DENND4C: variants seen among roughly 807,000 people sequenced by gnomAD.
DENND4C encodes the protein DENN domain-containing protein 4C.
A neutral mutation model predicts 203.0 loss-of-function variants in DENND4C; 108 were observed. The ratio of observed to expected loss-of-function variants is 0.53; its 90% CI spans 0.46 to 0.62. The LOEUF is 0.62. DENND4C is among the 20% of genes least tolerant of loss of function. The probability of loss-of-function intolerance (pLI) is 0.00; values close to 1 mark genes in which losing one functional copy is unlikely to be tolerated. For synonymous variants in DENND4C, 871 were observed against 792.4 expected, an observed-to-expected ratio of 1.10 and a Z score of -1.67; for missense variants, 2,481 against 2,301.2, an observed-to-expected ratio of 1.08 and a Z score of -1.60.
intron 24 of DENND4C, 117 bp downstream of exon 24, chr9:19,350,996 C>T (rs1040807545): frequency 2.8e-5 from 29 of 1,030,702 alleles, no homozygotes; most frequent in Non-Finnish European, 3.6e-5. Context: ...CTCCTGGGCT[C>T]AAGCAATCTG....
intron 17 of DENND4C, among the ~76,000 whole-genome samples, chr9:19,332,567 G>C (rs1819474877): frequency 6.9e-6 from 1 of 144,116 alleles, no homozygotes; most frequent in Non-Finnish European, 1.5e-5. Flanking sequence ...GTCTCACCGT[G>C]TTGGCCAGGC....
intron 1 of DENND4C, among the ~76,000 whole-genome samples, chr9:19,249,212 T>C (rs1171543074): frequency 3.3e-5 from 5 of 152,180 alleles, no homozygotes; most frequent in Admixed American, 1.3e-4. Context: ...TAAAACGATG[T>C]TTGAGACCCT....
At chr9:19,364,251 T>TA (rs1253835231) in intron 30 of DENND4C, among the ~76,000 whole-genome samples, 1 of 152,096 alleles carries the variant, frequency 6.6e-6, no homozygotes, top group Non-Finnish European at 1.5e-5. Flanking sequence ...CAAAAAACGT[T>TA]AAAGATGAAG....
chr9:19,314,272 G>T (rs2131520013), intron 10 of DENND4C, among the ~76,000 whole-genome samples: 1 of 152,034 alleles, frequency 6.6e-6, no homozygotes, highest in African/African-American at 2.4e-5. Flanking sequence ...GGCTAACACA[G>T]TGAAACCCCG....
At chr9:19,363,988 T>C (rs1827081236) in intron 30 of DENND4C, among the ~76,000 whole-genome samples, 2 of 152,124 alleles carry the variant, frequency 1.3e-5, no homozygotes, top group African/African-American at 4.8e-5. Context: ...CACTCCAGCC[T>C]GGGCATCGCA....
chr9:19,303,907 C>T (rs906726693), intron 9 of DENND4C, among the ~76,000 whole-genome samples: 1 of 150,806 alleles, frequency 6.6e-6, no homozygotes, highest in Non-Finnish European at 1.5e-5. Context: ...AGATGAGGGT[C>T]TCACTCTGTT....
intron 1 of DENND4C, among the ~76,000 whole-genome samples, chr9:19,244,841 T>C (rs1298522921): frequency 6.6e-6 from 1 of 152,132 alleles, no homozygotes; most frequent in Non-Finnish European, 1.5e-5. Context: ...GTTCTCCCCA[T>C]CTGTGTCTAA....
At chr9:19,364,877 A>G (rs1210865094) in intron 30 of DENND4C, among the ~76,000 whole-genome samples, 1 of 152,192 alleles carries the variant, frequency 6.6e-6, no homozygotes, top group Non-Finnish European at 1.5e-5. Flanking sequence ...CCTGGGCGAC[A>G]GAGTGAGACT....
chr9:19,272,545 A>G (rs1012230921), intron 1 of DENND4C, among the ~76,000 whole-genome samples: 2 of 151,672 alleles, frequency 1.3e-5, no homozygotes, highest in African/African-American at 4.8e-5. Flanking sequence ...ACATGAGCCA[A>G]TGTGCCTGGC....
intron 26 of DENND4C, among the ~76,000 whole-genome samples, chr9:19,355,545 C>T (rs1825205825): frequency 6.6e-6 from 1 of 152,140 alleles, no homozygotes; most frequent in Admixed American, 6.5e-5. Context: ...ATAACCTATC[C>T]TTTGCTTACT....
intron 1 of DENND4C, among the ~76,000 whole-genome samples, chr9:19,247,121 T>G (rs570272504): frequency 1.3e-5 from 2 of 152,216 alleles, no homozygotes; most frequent in Non-Finnish European, 2.9e-5. Context: ...AAACTTTACT[T>G]GGTTTTCTGG....
chr9:19,255,282 G>A (rs911519507), intron 1 of DENND4C, among the ~76,000 whole-genome samples: 2 of 152,100 alleles, frequency 1.3e-5, no homozygotes, highest in African/African-American at 4.8e-5. Context: ...GTGCGTGCCT[G>A]TAGTCCCAGC....
At chr9:19,261,303 G>A (rs12554932) in intron 1 of DENND4C, among the ~76,000 whole-genome samples, 11,161 of 149,708 alleles carry the variant, frequency 0.075, 464 homozygotes, top group Middle Eastern at 0.13. Context: ...GATTCTTCCA[G>A]TTTTGTTTTT....
At chr9:19,307,250 C>G (rs1839866291) in intron 10 of DENND4C, among the ~76,000 whole-genome samples, 1 of 151,742 alleles carries the variant, frequency 6.6e-6, no homozygotes, top group Non-Finnish European at 1.5e-5. Context: ...AAAAAATTAG[C>G]TAGGAGTGGT....
At chr9:19,253,270 C>T (rs10811150) in intron 1 of DENND4C, among the ~76,000 whole-genome samples, 74,548 of 152,060 alleles carry the variant, frequency 0.49, 19,175 homozygotes, top group South Asian at 0.64. Context: ...TGGATGGTTC[C>T]TAGTAGTAGT....
Position 19,288,613 on chromosome 9 carries a change from T to A in DENND4C, c.576T>A (p.Phe192Leu). ...LNCGMWGSSV[F>L]LCYKKSVPAS... ...TTTTACAGTGGGGTTCCAGCGTGTT[T>A]CTGTGTTATAAGAAGTCTGTACCTG... The change falls in exon 4 of 33, where the codon TTT becomes TTA. Residue 192 changes from phenylalanine (F) to leucine (L), a missense_variant. Phe to Leu is a conservative substitution (Grantham distance 22). Around this residue, in one of 3 missense-constraint regions of DENND4C, gnomAD observed 2,289 missense variants for 2,113.3 expected, o/e 1.08. Transcript: ENST00000434457. 8.1e-7 allele frequency: 1 copy of A among 1,231,858 alleles called. No homozygotes were observed. Among genetic ancestry groups the A allele is most frequent in the Non-Finnish European group, 1.0e-6 (1 of 987,792 alleles). 76.3% of individuals were successfully genotyped at this position (1,231,858 alleles called of 1,614,324 possible). A position where few individuals can be genotyped will look rare whatever the true frequency, so the allele number is the denominator to read the frequency against.
chr9:19,351,587 G>A (rs913369742), intron 24 of DENND4C, among the ~76,000 whole-genome samples: 1 of 151,988 alleles, frequency 6.6e-6, no homozygotes, highest in Admixed American at 6.6e-5. Context: ...CGGGTGGATT[G>A]CCTGAGCTCA....
intron 10 of DENND4C, among the ~76,000 whole-genome samples, chr9:19,306,610 T>C (rs781763879): frequency 1.1e-4 from 16 of 152,064 alleles, no homozygotes; most frequent in Non-Finnish European, 2.1e-4. Flanking sequence ...CTCAGATTTT[T>C]TACCTTATTT....
chr9:19,295,215 G>GA (rs1326386857), intron 5 of DENND4C, among the ~76,000 whole-genome samples: 1 of 148,788 alleles, frequency 6.7e-6, no homozygotes, highest in Admixed American at 6.7e-5. Context: ...ACTAAAAATA[G>GA]AAAAAATTAG....
Sources: allele counts gnomAD v4.1 joint callset (sites outside exome capture counted in the v4.1 genomes callset), GRCh38; gene constraint gnomAD v4.1.1; regional missense constraint gnomAD v4.1.1; transcripts MANE v1.5; gene names NCBI Gene and HGNC (gene_info 2026-07-23, HGNC 2026-07-21).